SLC35F3: variants seen among roughly 807,000 people sequenced by gnomAD.
SLC35F3 encodes solute carrier family 35 member F3.
A neutral mutation model predicts 49.9 loss-of-function variants in SLC35F3; 25 were observed. The observed-to-expected ratio is 0.50, with a 90% CI of 0.37 to 0.70. The LOEUF is 0.70. Among genes scored for constraint, SLC35F3 ranks in the 30% least tolerant of loss-of-function variants. SLC35F3 has a pLI of 0.00. For synonymous variants in SLC35F3, 275 were observed against 265.4 expected, an observed-to-expected ratio of 1.04 and a Z score of -0.35; for missense variants, 525 against 639.8, an observed-to-expected ratio of 0.82 and a Z score of 1.94.
At chr1:233,971,371 G>A (rs1477653210) in intron 2 of SLC35F3, among the ~76,000 whole-genome samples, 1 of 152,176 alleles carries the variant, frequency 6.6e-6, no homozygotes, top group Non-Finnish European at 1.5e-5. Flanking sequence ...GGAAAGAGAG[G>A]AGGAAAAAAC....
chr1:234,320,029 T>C lies in SLC35F3; in HGVS notation c.1148-69T>C, dbSNP rs1382409545. 6.4e-6 allele frequency: 7 copies of C among 1,102,326 alleles called. 1 individual carries two copies. Among genetic ancestry groups the C allele is most frequent in the South Asian group, 3.8e-5 (3 of 79,668 alleles). 68.3% of individuals were successfully genotyped at this position (1,102,326 alleles called of 1,614,324 possible). On this transcript the variant is annotated intron_variant, in intron 6 of 7. Transcript: ENST00000366618. The surrounding 1 kb of genome is among the most constrained non-coding windows in gnomAD (Gnocchi z 4.8). ...CCTCATCAGGAAAACCTGGGTCAGA[T>C]AGGCCAGCAGGGAGGTAAAGTACAC...
chr1:234,299,904 G>A (rs1668667470), intron 3 of SLC35F3, among the ~76,000 whole-genome samples: 2 of 150,822 alleles, frequency 1.3e-5, no homozygotes, highest in South Asian at 4.2e-4. Flanking sequence ...CTTTTTAAAA[G>A]AGAGAAAGAA....
chr1:234,179,825 G>A (rs1189256730), intron 2 of SLC35F3, among the ~76,000 whole-genome samples: 1 of 152,174 alleles, frequency 6.6e-6, no homozygotes, highest in Non-Finnish European at 1.5e-5. Context: ...ATTTATCTGA[G>A]ACTGACAGCA....
chr1:233,988,841 A>G (rs1032758853), intron 2 of SLC35F3, among the ~76,000 whole-genome samples: 2 of 152,178 alleles, frequency 1.3e-5, no homozygotes, highest in African/African-American at 4.8e-5. Context: ...TTAAGTTTCA[A>G]AAGAAGATTC....
At chr1:234,114,006 A>C (rs1033911835) in intron 2 of SLC35F3, among the ~76,000 whole-genome samples, 1 of 152,190 alleles carries the variant, frequency 6.6e-6, no homozygotes, top group African/African-American at 2.4e-5. Flanking sequence ...CCAGGAGGAG[A>C]CTGGGGCAAG....
intron 2 of SLC35F3, among the ~76,000 whole-genome samples, chr1:233,937,019 T>C (rs1013651988): frequency 7.2e-5 from 11 of 152,188 alleles, no homozygotes; most frequent in African/African-American, 1.9e-4. Flanking sequence ...GCTCTGACAT[T>C]TTGTGATAAC....
Position 234,093,264 on chromosome 1 carries a change from T to G in SLC35F3, c.284-138153T>G, listed in dbSNP as rs557516939. Among the ~76,000 whole-genome samples, 3 of 152,332 alleles carry G rather than the reference T, an allele frequency of 2.0e-5. No individual in the cohort carries two copies. The East Asian group carries it at 5.8e-4, about 29-fold the overall frequency. Reference sequence around the variant, plus strand: ...AATGTATATTTGAGAACAAAAGGCTTTATCTGGCTCAATTTTGAGCTTATC... The same window carrying G: ...AATGTATATTTGAGAACAAAAGGCTGTATCTGGCTCAATTTTGAGCTTATC... On this transcript the variant is annotated intron_variant, in intron 2 of 7. Coordinates refer to ENST00000366618, the MANE Select transcript of SLC35F3 (RefSeq NM_173508.4).
chr1:234,261,495 G>A (rs1040133483), intron 3 of SLC35F3, among the ~76,000 whole-genome samples: 26 of 152,142 alleles, frequency 1.7e-4, no homozygotes, highest in African/African-American at 6.0e-4. Flanking sequence ...CTTTTGGCAT[G>A]CTAATGACTT....
intron 2 of SLC35F3, among the ~76,000 whole-genome samples, chr1:234,056,309 G>A (rs999422586): frequency 2.2e-4 from 33 of 151,978 alleles, no homozygotes; most frequent in African/African-American, 7.7e-4. Context: ...TTTGAGCACA[G>A]TGACATCAAT....
At chr1:234,120,611 T>A (rs977222836) in intron 2 of SLC35F3, among the ~76,000 whole-genome samples, 1 of 152,178 alleles carries the variant, frequency 6.6e-6, no homozygotes, top group Non-Finnish European at 1.5e-5. Flanking sequence ...TACACAAAAG[T>A]ACAAAAGATC....
Position 234,003,024 on chromosome 1 carries a change from A to G in SLC35F3, c.283+97266A>G, listed in dbSNP as rs544947706. 1.6e-4 allele frequency among the ~76,000 whole-genome samples: 24 copies of G among 150,104 alleles called. 1 individual carries two copies. The South Asian group carries it at 5.1e-3, about 32-fold the overall frequency. On this transcript the variant is annotated intron_variant, in intron 2 of 7. Coordinates refer to ENST00000366618, the MANE Select transcript of SLC35F3 (RefSeq NM_173508.4). ...TTTTGTTGATCTTTTTGTTTTGAGCACTTTCTTAATTCCTGCCGCTACAAG... is the reference window on the plus strand; with the variant it reads ...TTTTGTTGATCTTTTTGTTTTGAGCGCTTTCTTAATTCCTGCCGCTACAAG...
chr1:234,010,344 C>T (rs1001328562), intron 2 of SLC35F3, among the ~76,000 whole-genome samples: 3 of 151,998 alleles, frequency 2.0e-5, no homozygotes, highest in African/African-American at 7.2e-5. Flanking sequence ...GTAGTAGATG[C>T]ACAAAACATA....
chr1:234,114,082 A>G (rs911949234), intron 2 of SLC35F3, among the ~76,000 whole-genome samples: 2 of 152,208 alleles, frequency 1.3e-5, no homozygotes, highest in Non-Finnish European at 2.9e-5. Flanking sequence ...GCTGGTTTCA[A>G]ACTACCAGTG....
At chr1:234,134,393 G>A (rs970361444) in intron 2 of SLC35F3, among the ~76,000 whole-genome samples, 33 of 148,422 alleles carry the variant, frequency 2.2e-4, no homozygotes, top group African/African-American at 8.1e-4. Flanking sequence ...CATTATGCAT[G>A]TGTATTAATT....
chr1:234,121,959 A>G (rs999719335), intron 2 of SLC35F3, among the ~76,000 whole-genome samples: 3 of 67,080 alleles, frequency 4.5e-5, no homozygotes, highest in Non-Finnish European at 3.8e-5. Flanking sequence ...AATCCAGTCT[A>G]TCAATCACTG....
At chr1:234,140,043 CT>C (rs1665885276) in intron 2 of SLC35F3, among the ~76,000 whole-genome samples, 2 of 147,862 alleles carry the variant, frequency 1.4e-5, no homozygotes, top group South Asian at 4.3e-4. Flanking sequence ...CTGCAACTGT[CT>C]ATCTGATAGC....
chr1:233,982,201 C>T (rs760481117), intron 2 of SLC35F3, among the ~76,000 whole-genome samples: 13 of 152,152 alleles, frequency 8.5e-5, no homozygotes, highest in Admixed American at 1.3e-4. Flanking sequence ...TTGGGATTAC[C>T]GGCATGAGCC....
chr1:234,175,797 G>T (rs2102921165), intron 2 of SLC35F3, among the ~76,000 whole-genome samples: 1 of 152,314 alleles, frequency 6.6e-6, no homozygotes, highest in Non-Finnish European at 1.5e-5. Context: ...CACTGGGTGT[G>T]GAGCAGCTCT....
At chr1:234,028,294 G>T (rs777244125) in intron 2 of SLC35F3, among the ~76,000 whole-genome samples, 1 of 152,178 alleles carries the variant, frequency 6.6e-6, no homozygotes, top group African/African-American at 2.4e-5. Context: ...TGGAGCCACT[G>T]TGTGGTCTAC....
Sources: gnomAD v4.1 joint callset for allele counts (sites outside exome capture counted in the v4.1 genomes callset) on GRCh38, gnomAD v4.1.1 for gene constraint, Gnocchi (gnomAD v3.1) non-coding constraint, MANE v1.5 for transcripts, NCBI Gene and HGNC (gene_info 2026-07-23, HGNC 2026-07-21) for gene names.